Variants in LAMA3 observed in about 807,000 individuals in gnomAD.
LAMA3 encodes laminin subunit alpha 3.
In LAMA3, 281 loss-of-function variants were observed where a neutral mutation model predicts 402.0. The observed-to-expected ratio is 0.70, with a 90% CI of 0.63 to 0.77. LAMA3 has a LOEUF of 0.77. LAMA3 is among the 30% of genes least tolerant of loss of function. LAMA3 has a pLI of 0.00. For missense variants in LAMA3, 3,840 were observed against 4,215.5 expected, an observed-to-expected ratio of 0.91 and a Z score of 2.47; for synonymous variants, 1,431 against 1,558.4, an observed-to-expected ratio of 0.92 and a Z score of 1.93.
intron 62 of LAMA3, among the ~76,000 whole-genome samples, chr18:23,922,030 A>G (rs1338504587): frequency 1.3e-5 from 2 of 152,250 alleles, no homozygotes; most frequent in Non-Finnish European, 2.9e-5. Flanking sequence ...TCACTTCGGC[A>G]TCAGCTGCTC....
At chr18:23,698,366 C>G (rs989184126) in intron 1 of LAMA3, among the ~76,000 whole-genome samples, 1 of 152,046 alleles carries the variant, frequency 6.6e-6, no homozygotes, top group Admixed American at 6.6e-5. Flanking sequence ...GCCATCACGC[C>G]CAGCTAATTT....
At chr18:23,773,467 T>C (rs1157892803) in intron 8 of LAMA3, 30 bp from the exon 9 acceptor site, 5 of 1,417,108 alleles carry the variant, frequency 3.5e-6, no homozygotes, top group Non-Finnish European at 4.9e-6. Context: ...CCCAGAACCC[T>C]TCCTTTAAGT....
chr18:23,747,367 G>A (rs1267682691), intron 2 of LAMA3, among the ~76,000 whole-genome samples: 1 of 152,130 alleles, frequency 6.6e-6, no homozygotes, highest in Non-Finnish European at 1.5e-5. Context: ...TCCTGGCCAT[G>A]GGCAAAAGAG....
intron 41 of LAMA3, among the ~76,000 whole-genome samples, chr18:23,886,631 A>G (rs950175277): frequency 2.0e-5 from 3 of 152,216 alleles, no homozygotes; most frequent in African/African-American, 4.8e-5. Context: ...AACAGAAAAA[A>G]AAAAGCCAAT....
intron 4 of LAMA3, among the ~76,000 whole-genome samples, chr18:23,749,934 C>G (rs2061715114): frequency 6.6e-6 from 1 of 152,156 alleles, no homozygotes. Context: ...GGTAGATTTT[C>G]TCTATACTGT....
chr18:23,759,045 T>G (rs1161673085), intron 7 of LAMA3, among the ~76,000 whole-genome samples: 2 of 140,542 alleles, frequency 1.4e-5, no homozygotes, highest in Non-Finnish European at 3.1e-5. Context: ...AAGAAAAGCG[T>G]TTTTTTTTTG....
intron 72 of LAMA3, among the ~76,000 whole-genome samples, chr18:23,951,119 A>G (rs2082892825): frequency 6.6e-6 from 1 of 152,198 alleles, no homozygotes; most frequent in Non-Finnish European, 1.5e-5. Context: ...CAACTCTTGG[A>G]AGATCCTGGA....
chr18:23,900,070 C>CGTGT (rs35969367), intron 47 of LAMA3, among the ~76,000 whole-genome samples: 71,659 of 150,668 alleles, frequency 0.48, 18,838 homozygotes, highest in Non-Finnish European at 0.61. Context: ...TGTGTGTGTG[C>CGTGT]GTGTGTGTGT....
intron 1 of LAMA3, among the ~76,000 whole-genome samples, chr18:23,691,540 ATTTAG>A (rs2060588047): frequency 6.6e-6 from 1 of 152,194 alleles, no homozygotes; most frequent in Admixed American, 6.5e-5. Context: ...TTTTTGAGAA[ATTTAG>A]TTTAGCTCTT....
chr18:23,855,309 A>C (rs943931904), intron 32 of LAMA3, among the ~76,000 whole-genome samples: 6 of 152,206 alleles, frequency 3.9e-5, no homozygotes, highest in Non-Finnish European at 8.8e-5. Flanking sequence ...CTGCCAGGAA[A>C]AGAGAAGCAA....
chr18:23,722,989 G>C (rs543068532), intron 2 of LAMA3, among the ~76,000 whole-genome samples: 3 of 152,282 alleles, frequency 2.0e-5, no homozygotes, highest in Non-Finnish European at 4.4e-5. Flanking sequence ...GTGGGCTGGG[G>C]AGAGGAACCA....
intron 11 of LAMA3, among the ~76,000 whole-genome samples, chr18:23,779,584 A>C (rs1417502248): frequency 1.3e-5 from 2 of 150,168 alleles, no homozygotes; most frequent in African/African-American, 2.4e-5. Flanking sequence ...AGCAGAATAC[A>C]TGGGCCAGAG....
chr18:23,907,173 A>G (rs780060326), intron 52 of LAMA3, among the ~76,000 whole-genome samples: 3 of 152,236 alleles, frequency 2.0e-5, no homozygotes, highest in Non-Finnish European at 4.4e-5. Flanking sequence ...TACTAATATT[A>G]CGCCTCAACT....
intron 52 of LAMA3, among the ~76,000 whole-genome samples, chr18:23,906,000 C>T (rs558618448): frequency 6.6e-4 from 101 of 152,192 alleles, no homozygotes; most frequent in African/African-American, 2.4e-3. Flanking sequence ...CCTGTCCTTA[C>T]GGGATCCTCC....
chr18:23,944,470 G>A (rs1458605064), intron 69 of LAMA3, among the ~76,000 whole-genome samples: 3 of 152,216 alleles, frequency 2.0e-5, no homozygotes, highest in Non-Finnish European at 2.9e-5. Flanking sequence ...CATTCCCTTA[G>A]TCATTCAGCT....
intron 12 of LAMA3, among the ~76,000 whole-genome samples, chr18:23,809,020 T>C (rs2063017266): frequency 6.6e-6 from 1 of 152,222 alleles, no homozygotes; most frequent in Non-Finnish European, 1.5e-5. Flanking sequence ...AAGTCAGATA[T>C]ACTAATTCAT....
intron 12 of LAMA3, among the ~76,000 whole-genome samples, chr18:23,792,741 G>A (rs1028354388): frequency 6.6e-6 from 1 of 152,150 alleles, no homozygotes; most frequent in African/African-American, 2.4e-5. Flanking sequence ...ATTGGGAATG[G>A]CCTGTACTTA....
chr18:23,812,294 A>T (rs1568209868), intron 13 of LAMA3, among the ~76,000 whole-genome samples: 1 of 152,186 alleles, frequency 6.6e-6, no homozygotes, highest in Non-Finnish European at 1.5e-5. Context: ...GTGAGCTATG[A>T]TCGTGCCACT....
At chr18:23,909,696 T>G (rs1257687437) in intron 55 of LAMA3, among the ~76,000 whole-genome samples, 1 of 152,218 alleles carries the variant, frequency 6.6e-6, no homozygotes, top group Non-Finnish European at 1.5e-5. Context: ...TTGCTGAGGA[T>G]GGAGGATTTA....
Sources: gnomAD v4.1 joint callset for allele counts (sites outside exome capture counted in the v4.1 genomes callset) on GRCh38, gnomAD v4.1.1 for gene constraint, MANE v1.5 for transcripts, NCBI Gene and HGNC (gene_info 2026-07-23, HGNC 2026-07-21) for gene names.